NTM: variants seen among roughly 807,000 people sequenced by gnomAD.
NTM encodes the protein IgLON family member 2.
Under a neutral mutation model 42.1 loss-of-function variants are expected in NTM, and 13 were observed. The observed-to-expected ratio is 0.31, with a 90% CI of 0.20 to 0.49. NTM has a LOEUF of 0.49. Ranked by LOEUF, NTM falls within the 20% of genes least tolerant of loss-of-function variation. NTM has a pLI of 0.99. For synonymous variants in NTM, 187 were observed against 179.2 expected (o/e 1.04, Z -0.35); for missense variants, 373 against 452.8 (o/e 0.82, Z 1.60).
chr11:131,729,862 A>T (rs1387975747), intron 1 of NTM, among the ~76,000 whole-genome samples: 1 of 152,234 alleles, frequency 6.6e-6, no homozygotes, highest in Non-Finnish European at 1.5e-5. Flanking sequence ...AATTTGGAAT[A>T]GTTCTACTTT....
chr11:132,202,708 C>A (rs530225547), intron 3 of NTM, among the ~76,000 whole-genome samples: 1 of 152,310 alleles, frequency 6.6e-6, no homozygotes, highest in East Asian at 1.9e-4. Context: ...GTATGGACTG[C>A]ACTCTCTTAT....
chr11:132,026,634 C>T (rs760977797), intron 2 of NTM, among the ~76,000 whole-genome samples: 2 of 152,184 alleles, frequency 1.3e-5, no homozygotes, highest in South Asian at 4.2e-4. Flanking sequence ...TTACTAGGTT[C>T]CAATGCTGAC....
At chr11:132,135,195 C>T (rs79786242) in intron 2 of NTM, among the ~76,000 whole-genome samples, 126 of 152,292 alleles carry the variant, frequency 8.3e-4, no homozygotes, top group Non-Finnish European at 1.4e-3. Context: ...CCCCCACTCC[C>T]GGCTTCTGGC....
chr11:131,414,300 C>G (rs1318677740), intron 1 of NTM, among the ~76,000 whole-genome samples: 1 of 152,154 alleles, frequency 6.6e-6, no homozygotes, highest in Non-Finnish European at 1.5e-5. Context: ...GAGCTGAGGT[C>G]TCTTCCTTCC....
chr11:131,673,136 G>A (rs1370795058), intron 1 of NTM, among the ~76,000 whole-genome samples: 1 of 152,104 alleles, frequency 6.6e-6, no homozygotes, highest in Non-Finnish European at 1.5e-5. Flanking sequence ...AGGGCAGGAG[G>A]GTCAGAAAAC....
intron 1 of NTM, among the ~76,000 whole-genome samples, chr11:131,646,721 A>G (rs2065815274): frequency 6.6e-6 from 1 of 152,222 alleles, no homozygotes; most frequent in Non-Finnish European, 1.5e-5. Context: ...TACCTCCAAC[A>G]GAAACGTATA....
intron 4 of NTM, among the ~76,000 whole-genome samples, chr11:132,237,664 T>C (rs2089297856): frequency 6.6e-6 from 1 of 152,032 alleles, no homozygotes; most frequent in Non-Finnish European, 1.5e-5. Flanking sequence ...TCCCTCTCTC[T>C]GGAACCCACA....
chr11:131,410,678 T>A (rs1946308548), intron 1 of NTM, among the ~76,000 whole-genome samples: 1 of 152,186 alleles, frequency 6.6e-6, no homozygotes, highest in African/African-American at 2.4e-5. Flanking sequence ...ATCCTTCAAC[T>A]CTGTTGTAAA....
At chr11:131,389,247 C>A (rs747083908) in intron 1 of NTM, among the ~76,000 whole-genome samples, 4 of 152,154 alleles carry the variant, frequency 2.6e-5, no homozygotes, top group Non-Finnish European at 5.9e-5. Context: ...CCTTACCTGC[C>A]CCAGGTGACA....
chr11:132,301,623 G>C (rs1345079290), intron 4 of NTM, among the ~76,000 whole-genome samples: 1 of 152,178 alleles, frequency 6.6e-6, no homozygotes, highest in Admixed American at 6.5e-5. Context: ...GGCACTGGGG[G>C]AATACAACTG....
At chr11:131,686,759 G>A (rs899449005) in intron 1 of NTM, among the ~76,000 whole-genome samples, 1 of 152,196 alleles carries the variant, frequency 6.6e-6, no homozygotes, top group Non-Finnish European at 1.5e-5. Context: ...GAGGCTGGCC[G>A]AGAGGCACAG....
intron 1 of NTM, among the ~76,000 whole-genome samples, chr11:131,818,400 C>G (rs1217171671): frequency 6.6e-6 from 1 of 152,092 alleles, no homozygotes; most frequent in Non-Finnish European, 1.5e-5. Flanking sequence ...ACTTATTCTT[C>G]CTGGAAGAGG....
intron 3 of NTM, among the ~76,000 whole-genome samples, chr11:132,196,338 T>C (rs2080209964): frequency 6.6e-6 from 1 of 152,114 alleles, no homozygotes; most frequent in Non-Finnish European, 1.5e-5. Context: ...ACAGGTTTAC[T>C]CTGTTTGTTG....
At chr11:131,639,599 C>T (rs1465918737) in intron 1 of NTM, among the ~76,000 whole-genome samples, 1 of 152,136 alleles carries the variant, frequency 6.6e-6, no homozygotes, top group Non-Finnish European at 1.5e-5. Flanking sequence ...CAACCGTTGC[C>T]TCTGCCCCAC....
At chr11:131,482,463 T>G (rs1953710815) in intron 1 of NTM, among the ~76,000 whole-genome samples, 1 of 152,222 alleles carries the variant, frequency 6.6e-6, no homozygotes, top group Non-Finnish European at 1.5e-5. Context: ...CTCTTGCTTT[T>G]ACCTGTTTGG....
At chr11:131,585,024 G>A (rs1286582657) in intron 1 of NTM, among the ~76,000 whole-genome samples, 8 of 152,216 alleles carry the variant, frequency 5.3e-5, no homozygotes, top group South Asian at 2.1e-4. Context: ...CTGCAGTGAC[G>A]TTCTGTTTTG....
chr11:131,598,703 CTTTCT>C, intron 1 of NTM, among the ~76,000 whole-genome samples: 1 of 46,576 alleles, frequency 2.1e-5, no homozygotes, highest in East Asian at 9.5e-4. Flanking sequence ...TTCTTTCTTT[CTTTCT>C]TTCTTTCTTT....
At chr11:132,212,187 T>TG in intron 4 of NTM, 40 bp downstream of exon 4, 1 of 1,583,760 alleles carries the variant, frequency 6.3e-7, no homozygotes, top group Non-Finnish European at 8.6e-7. Context: ...TGAGGATAAA[T>TG]GGGGGAATTT....
intron 4 of NTM, among the ~76,000 whole-genome samples, chr11:132,239,966 C>CCCAT (rs1004594930): frequency 1.2e-4 from 18 of 151,844 alleles, no homozygotes; most frequent in Non-Finnish European, 2.2e-4. Flanking sequence ...CATCCAACCA[C>CCCAT]CCATCCATCC....
Sources: gnomAD v4.1 joint callset for allele counts (sites outside exome capture counted in the v4.1 genomes callset) on GRCh38, gnomAD v4.1.1 for gene constraint, MANE v1.5 for transcripts, NCBI Gene and HGNC (gene_info 2026-07-23, HGNC 2026-07-21) for gene names.